GALNT2: variants seen among roughly 807,000 people sequenced by gnomAD.
The protein encoded by GALNT2 is polypeptide N-acetylgalactosaminyltransferase 2, also known as UDP-GalNAc:polypeptide N-acetylgalactosaminyltransferase 2.
In GALNT2, 31 loss-of-function variants were observed where a neutral mutation model predicts 81.4. The ratio of observed to expected loss-of-function variants is 0.38; its 90% CI spans 0.29 to 0.51. The LOEUF (loss-of-function observed/expected upper bound fraction) is 0.51. Ranked by LOEUF, GALNT2 falls within the 20% of genes least tolerant of loss-of-function variation. The probability of loss-of-function intolerance (pLI) is 0.87; values close to 1 mark genes in which losing one functional copy is unlikely to be tolerated. For synonymous variants in GALNT2, 303 were observed against 287.4 expected (o/e 1.05, Z -0.55); for missense variants, 629 against 765.7 (o/e 0.82, Z 2.11).
At chr1:230,186,122 A>C (rs1301351767) in intron 2 of GALNT2, among the ~76,000 whole-genome samples, 1 of 152,148 alleles carries the variant, frequency 6.6e-6, no homozygotes, top group Non-Finnish European at 1.5e-5. Context: ...CCTATTGGGA[A>C]CTGGACGTCC....
At chr1:230,063,981 A>C (rs1348672145), upstream of GALNT2, among the ~76,000 whole-genome samples, 1 of 152,084 alleles carries the variant, frequency 6.6e-6, no homozygotes, top group Non-Finnish European at 1.5e-5. Flanking sequence ...TGCCACACTT[A>C]CTGTGTTTCT....
In GALNT2 at chr1:230,250,345, A is replaced by G. The variant is rs943243909; in HGVS notation, c.906-112A>G. ...AAACAGTGGCAGTGTGGCTGTTCTG[A>G]AGATCAGCTTATTGTTAGGGAATCA... On this transcript the variant is annotated intron_variant, in intron 9 of 15. Transcript: ENST00000366672. The G allele has an allele frequency of 7.9e-6, 6 of 759,108 alleles. No individual in the cohort carries two copies. In the African/African-American group the frequency reaches 1.0e-4, roughly 13 times the overall value. 47.0% of individuals were successfully genotyped at this position (759,108 alleles called of 1,614,324 possible). A position where few individuals can be genotyped will look rare whatever the true frequency, so the allele number is the denominator to read the frequency against.
In GALNT2 at chr1:230,236,339, T is replaced by A; in HGVS notation, c.474-14T>A. 1 of 1,612,450 alleles carries A rather than the reference T, an allele frequency of 6.2e-7. No individual in the cohort carries two copies. On this transcript the variant is annotated splice_polypyrimidine_tract_variant and intron_variant, in intron 4 of 15. Transcript: ENST00000366672. ...TAAAAGACCTATAAACTTTATCTTC[T>A]TGTCTTTTCTTAGCGTGCTTAAGAA... is the stretch of plus-strand genomic sequence containing the variant.
At chr1:230,167,067 G>C (rs907630355) in intron 1 of GALNT2, among the ~76,000 whole-genome samples, 5 of 150,912 alleles carry the variant, frequency 3.3e-5, no homozygotes, top group Non-Finnish European at 7.4e-5. Context: ...CCCTCTTGGG[G>C]CTCTTTGCAT....
At chr1:230,197,995 C>T (rs1663754886) in intron 2 of GALNT2, among the ~76,000 whole-genome samples, 1 of 152,154 alleles carries the variant, frequency 6.6e-6, no homozygotes, top group Non-Finnish European at 1.5e-5. Context: ...GCGAAAGAGG[C>T]GTAGGAGTAA....
At position 230,243,376 on chromosome 1, in the gene GALNT2, C is replaced by T; in HGVS notation, c.678C>T (p.His226=). The T allele has an allele frequency of 1.9e-6, 3 of 1,612,768 alleles. No homozygotes were observed. The highest frequency in any genetic ancestry group is 2.2e-5 in the East Asian group (1 of 44,850). The change falls in exon 7 of 16, where the codon CAC becomes CAT. Residue 226 remains histidine, a synonymous_variant. Coordinates refer to ENST00000366672, the MANE Select transcript of GALNT2 (RefSeq NM_004481.5). This position sits in a 1 kb window ranked among gnomAD's most constrained non-coding sequence, Gnocchi z 4.2. The part of the protein sequence containing the change: ...QAKVLTFLDS[H]CECNEHWLEP... The stretch of plus-strand genomic sequence containing the variant: ...AGGTCCTGACCTTCCTGGACAGTCA[C>T]TGCGAGTGTAATGAGCACTGGCTGG...
chr1:230,232,531 T>A (rs1038231074), intron 3 of GALNT2, among the ~76,000 whole-genome samples: 1 of 152,184 alleles, frequency 6.6e-6, no homozygotes, highest in African/African-American at 2.4e-5. Flanking sequence ...TATGTCTCTT[T>A]TTAAATTCTC....
At chr1:230,215,309 C>T (rs1664355796) in intron 3 of GALNT2, among the ~76,000 whole-genome samples, 1 of 152,234 alleles carries the variant, frequency 6.6e-6, no homozygotes, top group Admixed American at 6.5e-5. Flanking sequence ...CTGCTCGGCT[C>T]AGTCGGCCGT....
intron 1 of GALNT2, among the ~76,000 whole-genome samples, chr1:230,175,589 CG>C (rs1662946054): frequency 9.8e-6 from 1 of 102,482 alleles, no homozygotes; most frequent in Non-Finnish European, 1.9e-5. Flanking sequence ...CTCCCCTCCT[CG>C]TCCCCTCCTC....
Position 230,255,264 on chromosome 1 carries a change from C to A in GALNT2, c.1056C>A (p.Ile352=). The change falls in exon 11 of 16, where the codon ATC becomes ATA. Residue 352 remains isoleucine (I), a synonymous_variant. Coordinates refer to ENST00000366672, the MANE Select transcript of GALNT2 (RefSeq NM_004481.5). ...AGTGTGGTGGCAGCCTGGAGATCAT[C>A]CCGTGCAGCCGTGTGGGACACGTGT... ...VWQCGGSLEI[I]PCSRVGHVFR... 3 of 1,614,192 alleles carry A rather than the reference C, an allele frequency of 1.9e-6. No homozygotes were observed. Among genetic ancestry groups the A allele is most frequent in the Non-Finnish European group, 2.5e-6 (3 of 1,180,028 alleles).
intron 3 of GALNT2, among the ~76,000 whole-genome samples, chr1:230,214,894 T>C (rs929938202): frequency 2.0e-5 from 3 of 152,254 alleles, no homozygotes; most frequent in African/African-American, 7.2e-5. Context: ...TCCTCTGCTC[T>C]GTCTAGTCTG....
At chr1:230,217,517 G>A (rs634401) in intron 3 of GALNT2, among the ~76,000 whole-genome samples, 42 of 152,340 alleles carry the variant, frequency 2.8e-4, no homozygotes, top group Admixed American at 2.4e-3. Context: ...GCCTGGAGGC[G>A]CATGGTAAGG....
chr1:230,226,729 C>T (rs887514450), intron 3 of GALNT2, among the ~76,000 whole-genome samples: 3 of 152,282 alleles, frequency 2.0e-5, no homozygotes, highest in African/African-American at 4.8e-5. Flanking sequence ...ACATTTCTCC[C>T]CCTCCCCATT....
At chr1:230,155,511 GC>G (rs547454562) in intron 1 of GALNT2, among the ~76,000 whole-genome samples, 35 of 152,168 alleles carry the variant, frequency 2.3e-4, no homozygotes, top group Non-Finnish European at 4.1e-4. Flanking sequence ...AGAAATTTTA[GC>G]TTCTTTCAGG....
intron 1 of GALNT2, among the ~76,000 whole-genome samples, chr1:230,176,768 AC>A (rs1360514603): frequency 5.3e-5 from 8 of 152,228 alleles, no homozygotes; most frequent in African/African-American, 1.7e-4. Context: ...TCTTTTCAAA[AC>A]TTTTTTGCAG....
intron 1 of GALNT2, among the ~76,000 whole-genome samples, chr1:230,076,148 C>T (rs1160554106): frequency 6.6e-6 from 1 of 152,210 alleles, no homozygotes; most frequent in Non-Finnish European, 1.5e-5. Context: ...TCCCTTACTA[C>T]AGACCTGCAG....
chr1:230,251,730 G>T (rs1292381710), intron 10 of GALNT2, among the ~76,000 whole-genome samples: 1 of 152,178 alleles, frequency 6.6e-6, no homozygotes, highest in Non-Finnish European at 1.5e-5. Flanking sequence ...GCAGGCCAGG[G>T]TCGCCCAGTA....
At chr1:230,090,614 T>C (rs934870635) in intron 1 of GALNT2, among the ~76,000 whole-genome samples, 3 of 152,194 alleles carry the variant, frequency 2.0e-5, no homozygotes, top group African/African-American at 4.8e-5. Flanking sequence ...TGTTGGCAAA[T>C]AAGCTGGTCA....
intron 2 of GALNT2, among the ~76,000 whole-genome samples, chr1:230,186,234 G>C (rs1049653178): frequency 3.3e-5 from 5 of 152,156 alleles, no homozygotes; most frequent in Admixed American, 3.3e-4. Context: ...TTGGACAAGC[G>C]TCACCCCAGG....
Sources: gnomAD v4.1 joint callset for allele counts (sites outside exome capture counted in the v4.1 genomes callset) on GRCh38, gnomAD v4.1.1 for gene constraint, Gnocchi (gnomAD v3.1) non-coding constraint, MANE v1.5 for transcripts, NCBI Gene and HGNC (gene_info 2026-07-23, HGNC 2026-07-21) for gene names.